The following SPATA6 variants were observed in gnomAD, a reference collection of about 807,000 sequenced individuals.
SPATA6 encodes spermatogenesis-associated protein 6.
SPATA6 carries 56 observed loss-of-function variants against 65.3 expected under a neutral mutation model. The ratio of observed to expected loss-of-function variants is 0.86; its 90% CI spans 0.69 to 1.07. The LOEUF (loss-of-function observed/expected upper bound fraction) is 1.07, where lower values mean the gene tolerates loss of function less well. SPATA6 is among the 50% of genes least tolerant of loss of function. The probability of loss-of-function intolerance (pLI) is 0.00; values close to 1 mark genes in which losing one functional copy is unlikely to be tolerated. For missense variants in SPATA6, 590 were observed against 594.8 expected, an observed-to-expected ratio of 0.99 and a Z score of 0.08; for synonymous variants, 199 against 213.2, an observed-to-expected ratio of 0.93 and a Z score of 0.58.
intron 12 of SPATA6, among the ~76,000 whole-genome samples, chr1:48,300,477 G>A (rs1644910733): frequency 6.6e-6 from 1 of 152,024 alleles, no homozygotes; most frequent in South Asian, 2.1e-4. Context: ...CTTCACTGCT[G>A]AATTTTACCA....
Position 48,345,967 on chromosome 1 carries a change from G to A in SPATA6, c.1194+9703C>T, listed in dbSNP as rs867406508. Among the ~76,000 whole-genome samples the A allele has an allele frequency of 2.0e-5, 3 of 152,104 alleles. No individual in the cohort carries two copies. In the East Asian group the frequency reaches 5.8e-4, roughly 29 times the overall value. On this transcript the variant is annotated intron_variant, in intron 11 of 12. Transcript: ENST00000371847. Reference sequence around the variant, plus strand: ...GAAACTATTCCACAAATTTGAGGATGAGGAACTACTCTCTAACTCATTTTA... The same window carrying A: ...GAAACTATTCCACAAATTTGAGGATAAGGAACTACTCTCTAACTCATTTTA...
At chr1:48,356,651 T>C (rs1032999490) in intron 10 of SPATA6, among the ~76,000 whole-genome samples, 4 of 151,664 alleles carry the variant, frequency 2.6e-5, no homozygotes, top group African/African-American at 9.7e-5. Context: ...GTAGCTGGGA[T>C]TGCCTGCCAC....
chr1:48,340,241 T>TAAA (rs58721253), intron 11 of SPATA6, among the ~76,000 whole-genome samples: 3 of 53,058 alleles, frequency 5.7e-5, no homozygotes, highest in African/African-American at 3.4e-4. Flanking sequence ...AGGCCTGCAC[T>TAAA]AAAAAAAAAA....
At chr1:48,274,525 T>C in the SPATA6 span, among the ~76,000 whole-genome samples, 1 of 152,194 alleles carries the variant, frequency 6.6e-6, no homozygotes, top group Non-Finnish European at 1.5e-5. Flanking sequence ...GTATAAGGTA[T>C]AAGGAAGGGG....
In SPATA6 at chr1:48,436,073, C is replaced by T. The variant is rs11541458; in HGVS notation, c.238+15479G>A. On this transcript the variant is annotated intron_variant, in intron 3 of 12. Transcript: ENST00000371847. ...CATCAATACTTGGTTGATGAGCCAA[C>T]CCTTTCCTGGTCACCTCCATCCACT... 9 of 1,609,690 alleles carry T rather than the reference C, an allele frequency of 5.6e-6. No homozygotes were observed. In the East Asian group the frequency reaches 1.6e-4, roughly 28 times the overall value.
chr1:48,367,244 G>C (rs1036941881), intron 9 of SPATA6, among the ~76,000 whole-genome samples: 7 of 152,162 alleles, frequency 4.6e-5, no homozygotes, highest in African/African-American at 4.8e-5. Flanking sequence ...AATAAGTGTG[G>C]TGTGGTGCTT....
rs1658309813 is a variant in SPATA6 at position 48,472,059 on chromosome 1, G to C, written c.-51C>G. ...TGACCCCGGCCACGGGCCCGAGTGA[G>C]GCGGGGAGACCTGGGGCTGGGCGGG... is the stretch of plus-strand genomic sequence containing the variant. On this transcript the variant is annotated 5_prime_UTR_variant, in exon 1 of 13. Transcript: ENST00000371847. 7.1e-7 allele frequency: 1 copy of C among 1,416,402 alleles called. No individual in the cohort carries two copies. The highest frequency in any genetic ancestry group is 9.3e-7 in the Non-Finnish European group (1 of 1,073,766). 87.7% of individuals were successfully genotyped at this position (1,416,402 alleles called of 1,614,324 possible).
intron 1 of SPATA6, among the ~76,000 whole-genome samples, chr1:48,459,692 T>C (rs1272063484): frequency 6.6e-6 from 1 of 152,134 alleles, no homozygotes; most frequent in East Asian, 1.9e-4. Context: ...TTCACCATGA[T>C]AGATGATACT....
chr1:48,436,328 C>G (rs991395735), intron 3 of SPATA6: 1 of 1,612,604 alleles, frequency 6.2e-7, no homozygotes, highest in African/African-American at 1.3e-5. Flanking sequence ...AATATTACAA[C>G]TTACTGGACA....
At chr1:48,370,906 T>A (rs1407374231) in intron 9 of SPATA6, among the ~76,000 whole-genome samples, 1 of 152,108 alleles carries the variant, frequency 6.6e-6, no homozygotes, top group Non-Finnish European at 1.5e-5. Flanking sequence ...AATAATCCAA[T>A]ATACACAGCT....
chr1:48,426,144 C>T (rs1304871962), intron 3 of SPATA6, among the ~76,000 whole-genome samples: 6 of 152,048 alleles, frequency 3.9e-5, no homozygotes, highest in Non-Finnish European at 8.8e-5. Flanking sequence ...ACAGAACAAA[C>T]AACCCAATGG....
At chr1:48,280,560 C>A in the SPATA6 span, among the ~76,000 whole-genome samples, 1 of 152,148 alleles carries the variant, frequency 6.6e-6, no homozygotes, top group Non-Finnish European at 1.5e-5. Context: ...AACACCTCTA[C>A]ACAAATAAAC....
At chr1:48,288,288 G>C in the SPATA6 span, among the ~76,000 whole-genome samples, 1 of 152,182 alleles carries the variant, frequency 6.6e-6, no homozygotes, top group African/African-American at 2.4e-5. Flanking sequence ...ACTGGATCAT[G>C]ATGATGCTAG....
intron 9 of SPATA6, among the ~76,000 whole-genome samples, chr1:48,360,163 C>A (rs945430419): frequency 6.6e-6 from 1 of 152,104 alleles, no homozygotes; most frequent in African/African-American, 2.4e-5. Flanking sequence ...TCATTCACTA[C>A]TTCATTTGTT....
chr1:48,459,931 A>T (rs1300459529), intron 1 of SPATA6, among the ~76,000 whole-genome samples: 1 of 152,202 alleles, frequency 6.6e-6, no homozygotes, highest in African/African-American at 2.4e-5. Context: ...AACTGAATAA[A>T]AGTGAAAACA....
At chr1:48,442,743 A>G (rs997655976) in intron 3 of SPATA6, among the ~76,000 whole-genome samples, 2 of 150,352 alleles carry the variant, frequency 1.3e-5, no homozygotes. Context: ...AAAAAAAAAA[A>G]AACAGTGTAC....
At chr1:48,268,958 T>G in the SPATA6 span, among the ~76,000 whole-genome samples, 1 of 152,164 alleles carries the variant, frequency 6.6e-6, no homozygotes, top group Non-Finnish European at 1.5e-5. Context: ...CCATCCTAGG[T>G]GGGTATTATT....
chr1:48,371,782 C>A (rs139254937), intron 9 of SPATA6, among the ~76,000 whole-genome samples: 3,488 of 152,166 alleles, frequency 0.023, 61 homozygotes, highest in Non-Finnish European at 0.037. Flanking sequence ...ACTTACAGTT[C>A]CATATAGCTG....
the SPATA6 span, among the ~76,000 whole-genome samples, chr1:48,261,435 A>G: frequency 2.6e-5 from 4 of 152,104 alleles, no homozygotes; most frequent in African/African-American, 9.6e-5. Flanking sequence ...ATATTCTATT[A>G]CGAAGAATGT....
Sources: allele counts gnomAD v4.1 joint callset (sites outside exome capture counted in the v4.1 genomes callset), GRCh38; gene constraint gnomAD v4.1.1; transcripts MANE v1.5; gene names NCBI Gene and HGNC (gene_info 2026-07-23, HGNC 2026-07-21).